The following SLC2A9 variants were observed in gnomAD, a reference collection of about 807,000 sequenced individuals.
SLC2A9 encodes the protein solute carrier family 2, facilitated glucose transporter member 9.
SLC2A9 carries 39 observed loss-of-function variants against 50.6 expected under a neutral mutation model. The observed-to-expected ratio is 0.77, with a 90% CI of 0.60 to 1.01. The LOEUF (loss-of-function observed/expected upper bound fraction) is 1.01. Among genes scored for constraint, SLC2A9 ranks in the 50% least tolerant of loss-of-function variants. The pLI is 0.00. For synonymous variants in SLC2A9, 324 were observed against 276.9 expected, an observed-to-expected ratio of 1.17 and a Z score of -1.69; for missense variants, 686 against 677.6, an observed-to-expected ratio of 1.01 and a Z score of -0.14.
intron 10 of SLC2A9, among the ~76,000 whole-genome samples, chr4:9,878,824 T>C (rs1211233742): frequency 2.0e-5 from 3 of 152,068 alleles, no homozygotes; most frequent in Non-Finnish European, 4.4e-5. Context: ...TAACTCTTTC[T>C]GACACTCTGG....
intron 1 of SLC2A9, among the ~76,000 whole-genome samples, chr4:10,027,409 C>G (rs1204068789): frequency 6.6e-6 from 1 of 152,192 alleles, no homozygotes; most frequent in Non-Finnish European, 1.5e-5. Flanking sequence ...TTCCTGCTCC[C>G]TGTTACAGCA....
chr4:9,794,211 C>T (rs368112556), downstream of SLC2A9, among the ~76,000 whole-genome samples: 3 of 150,928 alleles, frequency 2.0e-5, no homozygotes, highest in Admixed American at 6.6e-5. Flanking sequence ...TGCAATGGTG[C>T]GATCTTGGCT....
At chr4:9,876,306 T>A (rs1734312872) in intron 10 of SLC2A9, among the ~76,000 whole-genome samples, 1 of 152,190 alleles carries the variant, frequency 6.6e-6, no homozygotes, top group African/African-American at 2.4e-5. Flanking sequence ...TTCACAGAAC[T>A]GCTTTTAAAA....
intron 3 of SLC2A9, among the ~76,000 whole-genome samples, chr4:9,986,132 C>T (rs1337616574): frequency 6.6e-6 from 1 of 152,202 alleles, no homozygotes; most frequent in African/African-American, 2.4e-5. Flanking sequence ...ATGGAAACCA[C>T]TCTAGGTATT....
chr4:10,006,274 G>A (rs1208916644), intron 2 of SLC2A9, among the ~76,000 whole-genome samples: 3 of 152,124 alleles, frequency 2.0e-5, no homozygotes, highest in East Asian at 1.9e-4. Flanking sequence ...AAATTACCTC[G>A]TAGCCCGTTT....
At chr4:9,979,809 A>G (rs931269896) in intron 5 of SLC2A9, among the ~76,000 whole-genome samples, 7 of 151,806 alleles carry the variant, frequency 4.6e-5, no homozygotes, top group Non-Finnish European at 7.4e-5. Flanking sequence ...CACCCTCCCC[A>G]TGCCTGCTTT....
At chr4:9,976,819 C>T (rs1007293038) in intron 5 of SLC2A9, among the ~76,000 whole-genome samples, 1 of 152,222 alleles carries the variant, frequency 6.6e-6, no homozygotes, top group Non-Finnish European at 1.5e-5. Flanking sequence ...ATCAGCTCTT[C>T]CTTCCAGTTG....
At chr4:10,005,037 C>T (rs961923528) in intron 2 of SLC2A9, among the ~76,000 whole-genome samples, 1 of 152,178 alleles carries the variant, frequency 6.6e-6, no homozygotes, top group African/African-American at 2.4e-5. Context: ...CTTTACAGGT[C>T]TGCTTCCTCA....
At chr4:10,029,594 ATTATTTTATT>A (rs370612199) in intron 1 of SLC2A9, among the ~76,000 whole-genome samples, 3 of 129,816 alleles carry the variant, frequency 2.3e-5, no homozygotes, top group Admixed American at 7.5e-5. Context: ...TTTATTTTAT[ATTATTTTATT>A]TTATTTTATT....
At chr4:9,900,707 C>T (rs1739439109) in intron 8 of SLC2A9, among the ~76,000 whole-genome samples, 1 of 152,136 alleles carries the variant, frequency 6.6e-6, no homozygotes, top group Admixed American at 6.5e-5. Context: ...TGACAAAGTT[C>T]CACAGGGCGG....
intron 10 of SLC2A9, chr4:9,880,322 G>A: frequency 1.0e-6 from 1 of 985,576 alleles, no homozygotes; most frequent in Non-Finnish European, 1.2e-6. Flanking sequence ...GTCAACACAG[G>A]GGGTTGAAGA....
At chr4:9,957,444 G>C (rs561341703) in intron 5 of SLC2A9, among the ~76,000 whole-genome samples, 23 of 152,148 alleles carry the variant, frequency 1.5e-4, no homozygotes, top group African/African-American at 5.1e-4. Context: ...ATATGAATGG[G>C]AGAACCACAC....
chr4:9,971,414 C>T (rs180730622), intron 5 of SLC2A9, among the ~76,000 whole-genome samples: 25 of 152,300 alleles, frequency 1.6e-4, no homozygotes, highest in African/African-American at 5.5e-4. Flanking sequence ...ACTGGCCCAA[C>T]ACTTTTAGAT....
downstream of SLC2A9, among the ~76,000 whole-genome samples, chr4:9,797,376 T>G (rs191376363): frequency 2.2e-3 from 333 of 152,308 alleles, 1 homozygote; most frequent in Admixed American, 4.1e-3. Context: ...CAAACCTTGG[T>G]GTGATTGTTC....
chr4:9,921,098 T>G (rs576937634), intron 6 of SLC2A9, among the ~76,000 whole-genome samples: 2 of 152,200 alleles, frequency 1.3e-5, no homozygotes, highest in Non-Finnish European at 2.9e-5. Context: ...TTGGCCAGGA[T>G]GCCCTGCAGT....
chr4:9,994,209 C>T (rs1259383245), intron 3 of SLC2A9, among the ~76,000 whole-genome samples: 1 of 152,242 alleles, frequency 6.6e-6, no homozygotes, highest in African/African-American at 2.4e-5. Flanking sequence ...CAATTGACCA[C>T]TGGGTCTTGG....
intron 7 of SLC2A9, among the ~76,000 whole-genome samples, chr4:9,915,126 A>G (rs1167997729): frequency 1.3e-5 from 2 of 152,102 alleles, no homozygotes; most frequent in Non-Finnish European, 2.9e-5. Flanking sequence ...CACAGCTGGG[A>G]AGTCAGAGGA....
intron 3 of SLC2A9, among the ~76,000 whole-genome samples, chr4:9,785,784 A>G (rs368434135): frequency 6.6e-6 from 1 of 152,230 alleles, no homozygotes; most frequent in East Asian, 1.9e-4. Context: ...GAGATAAGCC[A>G]ATAAAGAGAT....
intron 2 of SLC2A9, among the ~76,000 whole-genome samples, chr4:10,004,812 C>T (rs969238812): frequency 2.0e-5 from 3 of 152,180 alleles, no homozygotes; most frequent in Admixed American, 2.0e-4. Context: ...AGATATAAAC[C>T]TTTACCTAGA....
Sources: allele counts gnomAD v4.1 joint callset (sites outside exome capture counted in the v4.1 genomes callset), GRCh38; gene constraint gnomAD v4.1.1; transcripts MANE v1.5; gene names NCBI Gene and HGNC (gene_info 2026-07-23, HGNC 2026-07-21).